Variants in PI4KA observed in about 807,000 individuals in gnomAD.
PI4KA encodes PI4-kinase alpha.
Under a neutral mutation model 271.4 loss-of-function variants are expected in PI4KA, and 122 were observed. The ratio of observed to expected loss-of-function variants is 0.45; its 90% CI spans 0.39 to 0.52. The LOEUF is 0.52. Among genes scored for constraint, PI4KA ranks in the 20% least tolerant of loss-of-function variants. The pLI is 0.00. For synonymous variants in PI4KA, 1,041 were observed against 1,078.8 expected (o/e 0.96, Z 0.69); for missense variants, 1,969 against 2,769.1 (o/e 0.71, Z 6.48).
At chr22:20,779,780 TG>T (rs778434615) in intron 19 of PI4KA, 9 of 1,614,114 alleles carry the variant, frequency 5.6e-6, no homozygotes, top group Admixed American at 1.7e-5. Flanking sequence ...TAGCACCCGT[TG>T]GCATTTCTAC....
intron 1 of PI4KA, among the ~76,000 whole-genome samples, chr22:20,842,924 C>A (rs1460615214): frequency 6.6e-6 from 1 of 151,872 alleles, no homozygotes; most frequent in East Asian, 1.9e-4. Context: ...CAGTGAAACC[C>A]CGTCTCTACT....
In PI4KA at chr22:20,816,905, G is replaced by A. The variant is rs189960442; in HGVS notation, c.856+1578C>T. Among the ~76,000 whole-genome samples the A allele has an allele frequency of 2.2e-3, 332 of 152,270 alleles. 1 individual carries two copies. Among genetic ancestry groups the A allele is most frequent in the African/African-American group, 7.9e-3 (330 of 41,538 alleles). On this transcript the variant is annotated intron_variant, in intron 7 of 54. Coordinates refer to ENST00000255882, the MANE Select transcript of PI4KA (RefSeq NM_058004.4). ...GAGAGGAGCCCTCACCACAGAGGGT[G>A]GACAATGAGCTGTTTACCAGGAAAA...
chr22:20,812,322 T>C (rs532422164), intron 8 of PI4KA, among the ~76,000 whole-genome samples: 76 of 152,302 alleles, frequency 5.0e-4, no homozygotes, highest in African/African-American at 1.8e-3. Context: ...TGTAATGTCT[T>C]CTTACATCTT....
At position 20,753,188 on chromosome 22, in the gene PI4KA, G is replaced by T. The variant is rs370052284; in HGVS notation, c.2792-8C>A. 1.9e-6 allele frequency: 3 copies of T among 1,611,196 alleles called. No individual in the cohort carries two copies. Among genetic ancestry groups the T allele is most frequent in the Non-Finnish European group, 2.5e-6 (3 of 1,178,784 alleles). ...TCACACACTGCATCATCCCTGAAACGAGAAGGTTTCCATGGATAAGGTGCA... is the reference window on the plus strand; with the variant it reads ...TCACACACTGCATCATCCCTGAAACTAGAAGGTTTCCATGGATAAGGTGCA... On this transcript the variant is annotated splice_polypyrimidine_tract_variant and splice_region_variant and intron_variant, in intron 23 of 54. Transcript: ENST00000255882.
rs534471712 is a variant in PI4KA, at chr22:20,826,895, G to A, written c.368-2481C>T. ...ATTCGTCCTTGGCTCACCTTTTAACGGGGTTTTTTTTTTGTTTGTAAATTT... is the reference window on the plus strand; with the variant it reads ...ATTCGTCCTTGGCTCACCTTTTAACAGGGTTTTTTTTTTGTTTGTAAATTT... On this transcript the variant is annotated intron_variant, in intron 3 of 54. Transcript: ENST00000255882. Among the ~76,000 whole-genome samples the A allele has an allele frequency of 8.1e-5, 9 of 111,656 alleles. 1 individual carries two copies. Among genetic ancestry groups the A allele is most frequent in the South Asian group, 7.7e-4 (3 of 3,874 alleles). The allele number at this position is 111,656 out of a possible 152,430, so 73.3% of individuals were successfully genotyped here.
At chr22:20,758,365 A>C (rs1312661871) in intron 23 of PI4KA, among the ~76,000 whole-genome samples, 6 of 9,534 alleles carry the variant, frequency 6.3e-4, no homozygotes, top group Admixed American at 1.4e-3. Flanking sequence ...ACTCTGTCTC[A>C]AAAAAAAAAA....
chr22:20,784,093 C>A lies in PI4KA; in HGVS notation c.2328+9100G>T, dbSNP rs1290227867. 3 of 1,614,034 alleles carry A rather than the reference C, an allele frequency of 1.9e-6. No individual in the cohort carries two copies. In the African/African-American group the frequency reaches 4.0e-5, roughly 22 times the overall value. ...AGGGGAACTTCCTCGCAGCAAATGA[C>A]CAGGAGCTGGACTGCGACATCCTCC... is the stretch of plus-strand genomic sequence containing the variant. On this transcript the variant is annotated intron_variant, in intron 19 of 54. Transcript: ENST00000255882.
intron 14 of PI4KA, among the ~76,000 whole-genome samples, chr22:20,800,396 T>C (rs1935227136): frequency 2.0e-5 from 3 of 152,154 alleles, no homozygotes. Context: ...GAGTCCACAG[T>C]GCAGGAGTCT....
At chr22:20,815,379 CAAA>C (rs361826) in intron 7 of PI4KA, among the ~76,000 whole-genome samples, 19 of 83,968 alleles carry the variant, frequency 2.3e-4, no homozygotes, top group Admixed American at 6.7e-4. Flanking sequence ...GACTGCGTCT[CAAA>C]AAAAAAAAAA....
intron 36 of PI4KA, among the ~76,000 whole-genome samples, chr22:20,732,455 C>G (rs528934679): frequency 3.9e-4 from 59 of 152,308 alleles, no homozygotes; most frequent in African/African-American, 1.3e-3. Flanking sequence ...CCCTGTCCAC[C>G]CTGCATGCCG....
intron 25 of PI4KA, 75 bp downstream of exon 25, chr22:20,752,828 T>A: frequency 3.4e-6 from 5 of 1,487,926 alleles, no homozygotes; most frequent in Non-Finnish European, 4.7e-6. Flanking sequence ...AATATAAGGA[T>A]GATTTTTCCC....
In PI4KA at chr22:20,742,767, G is replaced by A; in HGVS notation, c.3457-3C>T. The A allele has an allele frequency of 6.2e-7, 1 of 1,613,670 alleles. No homozygotes were observed. The highest frequency in any genetic ancestry group is 8.5e-7 in the Non-Finnish European group (1 of 1,179,690). On this transcript the variant is annotated splice_polypyrimidine_tract_variant and splice_region_variant and intron_variant, in intron 30 of 54. Coordinates refer to ENST00000255882, the MANE Select transcript of PI4KA (RefSeq NM_058004.4). ...GAGAACCGAATCATTCCATACACCTGCAAAAACATTCTCATCAGCAACTAA... is the reference window on the plus strand; with the variant it reads ...GAGAACCGAATCATTCCATACACCTACAAAAACATTCTCATCAGCAACTAA...
At chr22:20,763,024 G>GTGGGGGT (rs61316459) in intron 22 of PI4KA, among the ~76,000 whole-genome samples, 1 of 94,726 alleles carries the variant, frequency 1.1e-5, no homozygotes, top group Non-Finnish European at 2.0e-5. Flanking sequence ...TTTTGGGGGG[G>GTGGGGGT]GGGGGGGTTA....
chr22:20,799,099 G>C lies in PI4KA; in HGVS notation c.1998C>G (p.Thr666=). 1 of 1,613,056 alleles carries C rather than the reference G, an allele frequency of 6.2e-7. No homozygotes were observed. The highest frequency in any genetic ancestry group is 1.1e-5 in the South Asian group (1 of 90,932). The change falls in exon 16 of 55, where the codon ACC becomes ACG. Residue 666 remains threonine (T), a synonymous_variant. Coordinates refer to ENST00000255882, the MANE Select transcript of PI4KA (RefSeq NM_058004.4). The part of the protein sequence containing the change: ...IIDQLGCLVI[T]GNQYIYQEVW... ...TGGCTCTGGCCTCCCTTACATTTCC[G>C]GTGATAACCAGGCAGCCCAGCTGGT...
chr22:20,782,734 G>C lies in PI4KA; in HGVS notation c.2328+10459C>G, dbSNP rs1933894764. On this transcript the variant is annotated intron_variant, in intron 19 of 54. Coordinates refer to ENST00000255882, the MANE Select transcript of PI4KA (RefSeq NM_058004.4). Reference sequence around the variant, plus strand: ...AGTAAGCATTACTGGTATCTAGAAGGGGGAGGCTGGGGATGTTGCTAAACA... The same window carrying C: ...AGTAAGCATTACTGGTATCTAGAAGCGGGAGGCTGGGGATGTTGCTAAACA... Among the ~76,000 whole-genome samples, 3 of 152,270 alleles carry C rather than the reference G, an allele frequency of 2.0e-5. No individual in the cohort carries two copies. In the South Asian group the frequency reaches 6.2e-4, roughly 32 times the overall value.
At chr22:20,716,242 G>A (rs1925990637) in intron 45 of PI4KA, among the ~76,000 whole-genome samples, 1 of 152,172 alleles carries the variant, frequency 6.6e-6, no homozygotes, top group African/African-American at 2.4e-5. Context: ...GGTAGAGACG[G>A]GGTTTCACCG....
chr22:20,855,996 T>C (rs1303754527), intron 1 of PI4KA, among the ~76,000 whole-genome samples: 1 of 152,196 alleles, frequency 6.6e-6, no homozygotes, highest in Non-Finnish European at 1.5e-5. Flanking sequence ...AAGTGATTAG[T>C]AATAGCTAGG....
chr22:20,800,960 G>A (rs1238290017), intron 14 of PI4KA, among the ~76,000 whole-genome samples: 3 of 148,070 alleles, frequency 2.0e-5, no homozygotes, highest in African/African-American at 5.0e-5. Context: ...GTACAATCTC[G>A]GCTCACCGCA....
chr22:20,751,458 C>CACCT, intron 26 of PI4KA, 82 bp from the exon 27 acceptor site: 2 of 1,232,672 alleles, frequency 1.6e-6, no homozygotes, highest in Non-Finnish European at 2.3e-6. Context: ...CCCTACCCAC[C>CACCT]ACCTGTCTGT....
Sources: allele counts gnomAD v4.1 joint callset (sites outside exome capture counted in the v4.1 genomes callset), GRCh38; gene constraint gnomAD v4.1.1; transcripts MANE v1.5; gene names NCBI Gene and HGNC (gene_info 2026-07-23, HGNC 2026-07-21).